The following ZNF462 variants were observed in gnomAD, a reference collection of about 807,000 sequenced individuals.
ZNF462 encodes zinc finger protein 462.
Under a neutral mutation model 201.9 loss-of-function variants are expected in ZNF462, and 10 were observed. That is an observed-to-expected ratio of 0.05 (90% CI 0.03 to 0.08). The LOEUF is 0.08. ZNF462 is among the 10% of genes least tolerant of loss of function. The pLI, the probability that ZNF462 is intolerant of heterozygous loss-of-function variation, is 1.00. For synonymous variants in ZNF462, 1,227 were observed against 1,193.3 expected (o/e 1.03, Z -0.58); for missense variants, 2,523 against 3,168.3 (o/e 0.80, Z 4.89).
chr9:106,892,890 C>A (rs535182592), intron 1 of ZNF462, among the ~76,000 whole-genome samples: 1 of 152,186 alleles, frequency 6.6e-6, no homozygotes, highest in Non-Finnish European at 1.5e-5. Flanking sequence ...CCAGGCTTCT[C>A]GCCTTTGCCT....
chr9:106,993,672 CTA>C lies in ZNF462; in HGVS notation c.7056+9264_7056+9265del, dbSNP rs1828463067. Among the ~76,000 whole-genome samples, 1 of 147,878 alleles carries C rather than the reference CTA, an allele frequency of 6.8e-6. No homozygotes were observed. The highest frequency in any genetic ancestry group is 2.3e-4 in the South Asian group (1 of 4,298). On this transcript the variant is annotated intron_variant, in intron 10 of 12. Transcript: ENST00000277225. This position sits in a 1 kb window ranked among gnomAD's most constrained non-coding sequence, Gnocchi z 4.0. ...CCTGCATTCTCTGTCCCCCAACATT[CTA>C]CCCCCCAACACACATAGTGAATTAT... is the stretch of plus-strand genomic sequence containing the variant.
intron 1 of ZNF462, among the ~76,000 whole-genome samples, chr9:106,903,730 T>A (rs558164997): frequency 5.9e-5 from 9 of 152,210 alleles, no homozygotes; most frequent in Non-Finnish European, 1.2e-4. Context: ...TTGTCTGATA[T>A]AAGAATAGTT....
chr9:107,000,020 A>G (rs892844200), intron 10 of ZNF462, among the ~76,000 whole-genome samples: 1 of 152,070 alleles, frequency 6.6e-6, no homozygotes, highest in Non-Finnish European at 1.5e-5. Flanking sequence ...AACACATGGA[A>G]CAAGGATATC....
intron 10 of ZNF462, among the ~76,000 whole-genome samples, chr9:106,991,168 CT>C (rs1828245554): frequency 6.6e-6 from 1 of 151,592 alleles, no homozygotes; most frequent in Non-Finnish European, 1.5e-5. Context: ...TCCGCAGAAT[CT>C]ACAAAAAAAA....
chr9:106,949,651 C>T (rs1285016822), intron 7 of ZNF462, among the ~76,000 whole-genome samples: 1 of 152,128 alleles, frequency 6.6e-6, no homozygotes, highest in Non-Finnish European at 1.5e-5. Flanking sequence ...AGTACTTCTA[C>T]TTCCTTTGTT....
intron 11 of ZNF462, among the ~76,000 whole-genome samples, chr9:107,007,289 T>C (rs1829616267): frequency 6.6e-6 from 1 of 152,012 alleles, no homozygotes; most frequent in Admixed American, 6.6e-5. Flanking sequence ...TAAAACATGG[T>C]GGTTGAGATG....
At chr9:106,901,577 C>G (rs1364069969) in intron 1 of ZNF462, among the ~76,000 whole-genome samples, 1 of 152,102 alleles carries the variant, frequency 6.6e-6, no homozygotes, top group East Asian at 1.9e-4. Flanking sequence ...TTGTTTGTGT[C>G]ATCTATAATT....
At chr9:106,951,417 A>C (rs1459302815) in intron 7 of ZNF462, among the ~76,000 whole-genome samples, 1 of 152,160 alleles carries the variant, frequency 6.6e-6, no homozygotes, top group African/African-American at 2.4e-5. Context: ...TTTAAGATTT[A>C]TTTATTTATT....
chr9:106,985,222 A>C (rs1365138024), intron 10 of ZNF462, among the ~76,000 whole-genome samples: 1 of 152,196 alleles, frequency 6.6e-6, no homozygotes, highest in Admixed American at 6.5e-5. Flanking sequence ...TTCTGATAGA[A>C]TTACCTCTGT....
At position 106,929,178 on chromosome 9, in the gene ZNF462, C is replaced by G; in HGVS notation, c.5266C>G (p.Leu1756Val). Residue 1756 changes from leucine (L) to valine (V), a missense_variant, in exon 3 of 13, where the codon CTG becomes GTG. This residue lies in a region of ZNF462 where 207 missense variants were observed against 231.6 expected (regional missense o/e 0.89). Coordinates refer to ENST00000277225, the MANE Select transcript of ZNF462 (RefSeq NM_021224.6). This position sits in a 1 kb window ranked among gnomAD's most constrained non-coding sequence, Gnocchi z 8.7. ...PSPPKDDSPQ[L>V]SEELRRAVEK... ...CCCGCCCAAGGACGACTCCCCTCAGCTGAGCGAGGAACTCCGGCGGGCAGT... is the reference window on the plus strand; with the variant it reads ...CCCGCCCAAGGACGACTCCCCTCAGGTGAGCGAGGAACTCCGGCGGGCAGT... 6.2e-7 allele frequency: 1 copy of G among 1,614,206 alleles called. No homozygotes were observed. Among genetic ancestry groups the G allele is most frequent in the Non-Finnish European group, 8.5e-7 (1 of 1,180,036 alleles).
At chr9:106,980,222 G>T (rs983684542) in intron 9 of ZNF462, among the ~76,000 whole-genome samples, 1 of 152,102 alleles carries the variant, frequency 6.6e-6, no homozygotes, top group Non-Finnish European at 1.5e-5. Context: ...GTTTATGTTT[G>T]TCTATTTATG....
chr9:106,875,416 T>G (rs929728809), intron 1 of ZNF462, among the ~76,000 whole-genome samples: 1 of 152,236 alleles, frequency 6.6e-6, no homozygotes, highest in African/African-American at 2.4e-5. Flanking sequence ...TTAAGTCGAT[T>G]GAATATGATT....
chr9:106,964,986 C>G (rs992303122), intron 7 of ZNF462, among the ~76,000 whole-genome samples: 1 of 152,038 alleles, frequency 6.6e-6, no homozygotes, highest in Admixed American at 6.6e-5. Flanking sequence ...AGACATTGAT[C>G]TAGCCAAGTT....
At chr9:106,892,493 T>C (rs1243254785) in intron 1 of ZNF462, among the ~76,000 whole-genome samples, 2 of 151,170 alleles carry the variant, frequency 1.3e-5, no homozygotes, top group Admixed American at 1.3e-4. Context: ...ATCTAAGAGT[T>C]CTTCTCACTT....
intron 7 of ZNF462, among the ~76,000 whole-genome samples, chr9:106,959,182 C>T (rs1831716397): frequency 6.6e-6 from 1 of 152,104 alleles, no homozygotes; most frequent in South Asian, 2.1e-4. Context: ...CCCACTCAGC[C>T]ATCTCCCCCT....
chr9:106,961,231 A>C (rs1333677280), intron 7 of ZNF462, among the ~76,000 whole-genome samples: 2 of 152,110 alleles, frequency 1.3e-5, no homozygotes, highest in Non-Finnish European at 2.9e-5. Flanking sequence ...TGGCTTCCAG[A>C]TGTGCTGATA....
intron 7 of ZNF462, among the ~76,000 whole-genome samples, chr9:106,939,483 C>T (rs992259669): frequency 6.6e-5 from 10 of 152,028 alleles, no homozygotes; most frequent in Admixed American, 1.3e-4. Context: ...ATATGTGCTG[C>T]GAAATGTTTG....
chr9:106,957,905 A>T (rs1831653190), intron 7 of ZNF462, among the ~76,000 whole-genome samples: 1 of 152,028 alleles, frequency 6.6e-6, no homozygotes, highest in Non-Finnish European at 1.5e-5. Flanking sequence ...TTTGCACATG[A>T]AGGGTTGGTA....
intron 7 of ZNF462, among the ~76,000 whole-genome samples, chr9:106,943,433 C>T (rs542404648): frequency 6.6e-6 from 1 of 152,292 alleles, no homozygotes; most frequent in East Asian, 1.9e-4. Flanking sequence ...ATGCTTTCTC[C>T]ATTGCACAGT....
Sources: gnomAD v4.1 joint callset for allele counts (sites outside exome capture counted in the v4.1 genomes callset) on GRCh38, gnomAD v4.1.1 for gene constraint, gnomAD v4.1.1 regional missense constraint, Gnocchi (gnomAD v3.1) non-coding constraint, MANE v1.5 for transcripts, NCBI Gene and HGNC (gene_info 2026-07-23, HGNC 2026-07-21) for gene names.